The following CRACD variants were observed in gnomAD, a reference collection of about 807,000 sequenced individuals.
CRACD encodes the protein capping protein-inhibiting regulator of actin dynamics.
In CRACD, 56 loss-of-function variants were observed where a neutral mutation model predicts 106.8. The observed-to-expected ratio is 0.52, with a 90% CI of 0.42 to 0.66. The LOEUF (loss-of-function observed/expected upper bound fraction) is 0.66, where lower values mean the gene tolerates loss of function less well. Among genes scored for constraint, CRACD ranks in the 30% least tolerant of loss-of-function variants. The pLI is 0.00. For missense variants in CRACD, 1,730 were observed against 1,623.2 expected (o/e 1.07, Z -1.13); for synonymous variants, 754 against 670.8 (o/e 1.12, Z -1.92).
intron 2 of CRACD, among the ~76,000 whole-genome samples, chr4:56,240,080 T>C (rs1012494971): frequency 6.6e-5 from 10 of 152,136 alleles, no homozygotes; most frequent in African/African-American, 2.2e-4. Context: ...TCCAGACACA[T>C]ACTAGACACT....
In CRACD at chr4:56,067,793, C is replaced by T. The variant is rs575581339; in HGVS notation, c.-336+18494C>T. Among the ~76,000 whole-genome samples, 82 of 152,288 alleles carry T rather than the reference C, an allele frequency of 5.4e-4. 1 individual carries two copies. The highest frequency in any genetic ancestry group is 2.7e-3 in the Admixed American group (41 of 15,296). On this transcript the variant is annotated intron_variant, in intron 1 of 10. Coordinates refer to ENST00000682029, the MANE Select transcript of CRACD (RefSeq NM_001393381.1). ...GTTTCACCATGTTGGCCAGACTAGACCCGAGCTTCTGACCTCAGATGATCC... is the reference window on the plus strand; with the variant it reads ...GTTTCACCATGTTGGCCAGACTAGATCCGAGCTTCTGACCTCAGATGATCC...
intron 1 of CRACD, among the ~76,000 whole-genome samples, chr4:56,139,839 A>C (rs1349947108): frequency 6.6e-6 from 1 of 152,136 alleles, no homozygotes; most frequent in Non-Finnish European, 1.5e-5. Flanking sequence ...AAAAGGAAAA[A>C]AATCCGTAAC....
chr4:56,228,518 G>A (rs73240534), intron 2 of CRACD, among the ~76,000 whole-genome samples: 2 of 150,530 alleles, frequency 1.3e-5, no homozygotes, highest in Non-Finnish European at 3.0e-5. Context: ...TCCCATAATC[G>A]CAGCACTTTG....
chr4:56,261,362 T>TTC (rs552304007), intron 2 of CRACD, among the ~76,000 whole-genome samples: 1 of 38,642 alleles, frequency 2.6e-5, no homozygotes, highest in Non-Finnish European at 4.9e-5. Context: ...CTTCTTCTTC[T>TTC]TTTTTTTTTT....
In CRACD at chr4:56,278,476, C is replaced by A. The variant is rs78090699; in HGVS notation, c.-17+5984C>A. ...CACATGCAAAAGAATGAAATTGGAC[C>A]CTTTTTTACATCATATACAAAAATT... is the stretch of plus-strand genomic sequence containing the variant. On this transcript the variant is annotated intron_variant, in intron 3 of 10. Transcript: ENST00000682029. 2.1e-3 allele frequency among the ~76,000 whole-genome samples: 318 copies of A among 152,088 alleles called. 2 individuals are homozygous for A. The highest frequency in any genetic ancestry group is 7.5e-3 in the African/African-American group (312 of 41,518).
At chr4:56,176,896 T>C (rs974520138) in intron 1 of CRACD, among the ~76,000 whole-genome samples, 2 of 152,244 alleles carry the variant, frequency 1.3e-5, no homozygotes, top group Admixed American at 6.5e-5. Flanking sequence ...ATACTACTGA[T>C]TTTTGTATGT....
intron 1 of CRACD, among the ~76,000 whole-genome samples, chr4:56,087,108 T>C (rs1285334684): frequency 6.6e-6 from 1 of 151,974 alleles, no homozygotes; most frequent in Non-Finnish European, 1.5e-5. Context: ...GCCTCCCGGG[T>C]TTAAGCAACT....
At chr4:56,296,956 C>G (rs1744084783) in intron 3 of CRACD, among the ~76,000 whole-genome samples, 1 of 142,428 alleles carries the variant, frequency 7.0e-6, no homozygotes, top group African/African-American at 2.7e-5. Context: ...CTCGCTCTGT[C>G]TCACCTAGGC....
intron 1 of CRACD, among the ~76,000 whole-genome samples, chr4:56,139,525 T>C (rs1242071482): frequency 6.6e-6 from 1 of 152,190 alleles, no homozygotes; most frequent in South Asian, 2.1e-4. Flanking sequence ...TTTGAGTAGA[T>C]AGTGAAAGAA....
intron 8 of CRACD, among the ~76,000 whole-genome samples, chr4:56,318,898 G>A (rs1188037540): frequency 6.6e-6 from 1 of 152,150 alleles, no homozygotes; most frequent in Admixed American, 6.5e-5. Flanking sequence ...TAACAACAGT[G>A]GATCTAAATC....
intron 2 of CRACD, among the ~76,000 whole-genome samples, chr4:56,183,724 A>G (rs1445665822): frequency 6.6e-6 from 1 of 152,196 alleles, no homozygotes; most frequent in African/African-American, 2.4e-5. Flanking sequence ...GCATGAGGCA[A>G]GGTGCGTGGT....
intron 2 of CRACD, among the ~76,000 whole-genome samples, chr4:56,180,548 A>T (rs1401617492): frequency 6.6e-6 from 1 of 151,990 alleles, no homozygotes; most frequent in East Asian, 1.9e-4. Flanking sequence ...AGATAGCATC[A>T]TATCATTATT....
intron 1 of CRACD, among the ~76,000 whole-genome samples, chr4:56,112,604 C>G (rs1219161094): frequency 6.6e-6 from 1 of 152,124 alleles, no homozygotes; most frequent in Non-Finnish European, 1.5e-5. Context: ...TCGGCTCCCC[C>G]TGTCTGAGGT....
intron 3 of CRACD, among the ~76,000 whole-genome samples, chr4:56,288,066 C>T (rs562598519): frequency 3.3e-5 from 5 of 152,196 alleles, no homozygotes; most frequent in African/African-American, 1.2e-4. Context: ...ACCCTATGGG[C>T]TATTGTTCTG....
intron 2 of CRACD, among the ~76,000 whole-genome samples, chr4:56,215,757 G>A (rs937109806): frequency 5.3e-5 from 8 of 152,188 alleles, no homozygotes; most frequent in Non-Finnish European, 1.0e-4. Context: ...TAAGAGAATT[G>A]TACCATTCTT....
At chr4:56,084,779 ATGGAGAATAGTC>A (rs1733158225) in intron 1 of CRACD, among the ~76,000 whole-genome samples, 1 of 152,222 alleles carries the variant, frequency 6.6e-6, no homozygotes, top group Non-Finnish European at 1.5e-5. Flanking sequence ...GAGAGCTAAC[ATGGAGAATAGTC>A]TGGTTAGTGT....
chr4:56,315,895 T>A lies in CRACD; in HGVS notation c.2393T>A (p.Phe798Tyr), dbSNP rs1189229064. 1 of 1,614,118 alleles carries A rather than the reference T, an allele frequency of 6.2e-7. No homozygotes were observed. The highest frequency in any genetic ancestry group is 2.2e-5 in the East Asian group (1 of 44,854). Residue 798 changes from phenylalanine (F) to tyrosine (Y), a missense_variant, in exon 8 of 11, where the codon TTC becomes TAC. Physicochemically the swap from Phe to Tyr is conservative, Grantham distance 22. Transcript: ENST00000682029. The surrounding 1 kb of genome is among the most constrained non-coding windows in gnomAD (Gnocchi z 4.1). Reference protein sequence around the residue: ...GCKFAKDLPSFLVPSLPYPPQ... With the variant: ...GCKFAKDLPSYLVPSLPYPPQ... ...AAATTTGCCAAAGACCTCCCGTCTT[T>A]CCTTGTCCCAAGCCTTCCTTACCCT...
chr4:56,099,999 T>C (rs1329919213), intron 1 of CRACD, among the ~76,000 whole-genome samples: 1 of 152,010 alleles, frequency 6.6e-6, no homozygotes, highest in Non-Finnish European at 1.5e-5. Context: ...TCCCAGCACT[T>C]TGGGAGGCCG....
Position 56,316,283 on chromosome 4 carries a change from C to A in CRACD, c.2781C>A (p.Arg927=), listed in dbSNP as rs199897317. The A allele has an allele frequency of 3.5e-4, 563 of 1,614,026 alleles. 5 individuals carry two copies. Among genetic ancestry groups the A allele is most frequent in the Non-Finnish European group, 6.0e-5 (71 of 1,179,888 alleles). The change falls in exon 8 of 11, where the codon CGC becomes CGA. Residue 927 remains arginine, a synonymous_variant. Coordinates refer to ENST00000682029, the MANE Select transcript of CRACD (RefSeq NM_001393381.1). The part of the protein sequence containing the change: ...RRDSAEPSSS[R]SVPVAHPGPP... ...ACTCCGCTGAACCTTCCAGCAGCCGCTCTGTTCCTGTGGCCCACCCTGGGC... is the reference window on the plus strand; with the variant it reads ...ACTCCGCTGAACCTTCCAGCAGCCGATCTGTTCCTGTGGCCCACCCTGGGC...
Sources: allele counts gnomAD v4.1 joint callset (sites outside exome capture counted in the v4.1 genomes callset), GRCh38; gene constraint gnomAD v4.1.1; non-coding constraint Gnocchi (gnomAD v3.1); transcripts MANE v1.5; gene names NCBI Gene and HGNC (gene_info 2026-07-23, HGNC 2026-07-21).